Variants in SEC24D observed in about 807,000 individuals in gnomAD.
SEC24D encodes the protein SEC24 homolog D, COPII component, also known as protein transport protein Sec24D.
SEC24D carries 69 observed loss-of-function variants against 116.9 expected under a neutral mutation model. The observed-to-expected ratio is 0.59, with a 90% CI of 0.49 to 0.72. The LOEUF is 0.72. Ranked by LOEUF, SEC24D falls within the 30% of genes least tolerant of loss-of-function variation. The pLI is 0.00. For synonymous variants in SEC24D, 405 were observed against 442.8 expected, an observed-to-expected ratio of 0.91 and a Z score of 1.07; for missense variants, 1,131 against 1,264.1, an observed-to-expected ratio of 0.89 and a Z score of 1.60.
intron 8 of SEC24D, among the ~76,000 whole-genome samples, chr4:118,779,493 G>T (rs1263642441): frequency 6.6e-6 from 1 of 152,208 alleles, no homozygotes; most frequent in Non-Finnish European, 1.5e-5. Flanking sequence ...TGTGCTGTTG[G>T]ATTCGGTTTG....
intron 22 of SEC24D, among the ~76,000 whole-genome samples, chr4:118,724,153 C>T (rs185413137): frequency 6.6e-6 from 1 of 151,638 alleles, no homozygotes; most frequent in African/African-American, 2.4e-5. Flanking sequence ...ACAATACATT[C>T]GTGAGATGAG....
At chr4:118,748,651 G>C (rs1161055283) in intron 13 of SEC24D, among the ~76,000 whole-genome samples, 1 of 152,040 alleles carries the variant, frequency 6.6e-6, no homozygotes, top group African/African-American at 2.4e-5. Flanking sequence ...TTTCCTCTGA[G>C]AGACAAGTTA....
intron 3 of SEC24D, among the ~76,000 whole-genome samples, chr4:118,818,373 C>T (rs1221363992): frequency 6.6e-6 from 1 of 152,216 alleles, no homozygotes; most frequent in Non-Finnish European, 1.5e-5. Flanking sequence ...CTGAGGGAAG[C>T]CAGTGCTTGC....
At chr4:118,791,931 C>T (rs1270711434) in intron 8 of SEC24D, among the ~76,000 whole-genome samples, 1 of 152,214 alleles carries the variant, frequency 6.6e-6, no homozygotes, top group South Asian at 2.1e-4. Flanking sequence ...TTTGCAGCCT[C>T]TGCCCGACCG....
rs761516204 is a variant in SEC24D at position 118,833,683 on chromosome 4, C to T, written c.14G>A (p.Gly5Asp). 9 of 1,610,864 alleles carry T rather than the reference C, an allele frequency of 5.6e-6. No individual in the cohort carries two copies. In the East Asian group the frequency reaches 1.6e-4, roughly 28 times the overall value. The change falls in exon 2 of 23, where the codon GGT (glycine) becomes GAT (aspartate). Residue 5 changes from glycine (G) to aspartate (D), a missense_variant. Coordinates refer to ENST00000280551, the MANE Select transcript of SEC24D (RefSeq NM_014822.4). ...AGAATACGGAGGTGTAGCCACGTAA[C>T]CTTGTTGACTCATTATGAAAATATC... MSQQ[G>D]YVATPPYSQP...
At chr4:118,795,189 A>C (rs1490564213) in intron 8 of SEC24D, among the ~76,000 whole-genome samples, 2 of 152,006 alleles carry the variant, frequency 1.3e-5, no homozygotes, top group African/African-American at 4.8e-5. Context: ...ACCTGCATAC[A>C]AAGTCAGCAC....
At chr4:118,798,848 G>A (rs757308110) in intron 7 of SEC24D, among the ~76,000 whole-genome samples, 9 of 152,256 alleles carry the variant, frequency 5.9e-5, no homozygotes, top group Non-Finnish European at 1.0e-4. Context: ...GACATGCCCG[G>A]AGTAGTGACA....
intron 8 of SEC24D, among the ~76,000 whole-genome samples, chr4:118,795,491 G>A (rs1405641517): frequency 6.6e-6 from 1 of 152,066 alleles, no homozygotes; most frequent in African/African-American, 2.4e-5. Flanking sequence ...TTACAGGTGT[G>A]AGCCACCGTG....
intron 13 of SEC24D, among the ~76,000 whole-genome samples, chr4:118,749,523 C>T (rs979548782): frequency 6.6e-6 from 1 of 152,132 alleles, no homozygotes; most frequent in Non-Finnish European, 1.5e-5. Context: ...AAAGCTTTCA[C>T]TTTATGTTCT....
intron 6 of SEC24D, among the ~76,000 whole-genome samples, chr4:118,808,718 A>G (rs1283187984): frequency 2.0e-5 from 3 of 152,220 alleles, no homozygotes; most frequent in Admixed American, 6.5e-5. Flanking sequence ...TTCCAAAACT[A>G]CTTCAAAAGG....
chr4:118,768,350 A>T (rs763712191), intron 8 of SEC24D, 39 bp from the exon 9 acceptor site: 2 of 1,538,948 alleles, frequency 1.3e-6, no homozygotes, highest in South Asian at 2.4e-5. Flanking sequence ...ACAGGTGAGT[A>T]TAGGATTTCT....
chr4:118,727,715 G>T (rs1388642534), intron 22 of SEC24D, among the ~76,000 whole-genome samples: 3 of 151,972 alleles, frequency 2.0e-5, no homozygotes, highest in Non-Finnish European at 4.4e-5. Context: ...TCTAGGTCCT[G>T]CCCTTAAACT....
At chr4:118,783,904 C>T (rs530995830) in intron 8 of SEC24D, among the ~76,000 whole-genome samples, 4 of 152,168 alleles carry the variant, frequency 2.6e-5, no homozygotes, top group Admixed American at 1.3e-4. Flanking sequence ...CTGCTATTGA[C>T]GTAAACACTG....
intron 9 of SEC24D, among the ~76,000 whole-genome samples, chr4:118,767,972 G>A (rs1727718540): frequency 6.6e-6 from 1 of 152,086 alleles, no homozygotes; most frequent in East Asian, 1.9e-4. Context: ...CTTCCATGTG[G>A]GGCTCATGTA....
chr4:118,777,694 C>T (rs1194724399), intron 8 of SEC24D, among the ~76,000 whole-genome samples: 3 of 152,206 alleles, frequency 2.0e-5, no homozygotes, highest in Admixed American at 2.0e-4. Flanking sequence ...ACACTGTCTT[C>T]CACAATGGTT....
chr4:118,804,783 T>C (rs1410959683), intron 7 of SEC24D, among the ~76,000 whole-genome samples: 1 of 151,988 alleles, frequency 6.6e-6, no homozygotes, highest in Non-Finnish European at 1.5e-5. Flanking sequence ...GTCATCTGAA[T>C]TTTTTTAATA....
rs1279993382 is a variant in SEC24D at position 118,810,070 on chromosome 4, G to A, written c.802-4116C>T. Among the ~76,000 whole-genome samples the A allele has an allele frequency of 1.0e-4, 15 of 143,288 alleles. 1 individual carries two copies. The Admixed American group carries it at 1.1e-3, about 10-fold the overall frequency. 94.0% of individuals were successfully genotyped at this position (143,288 alleles called of 152,430 possible). A position where few individuals can be genotyped will look rare whatever the true frequency, so the allele number is the denominator to read the frequency against. On this transcript the variant is annotated intron_variant, in intron 6 of 22. Transcript: ENST00000280551. ...AGAGTGGTAAGAGACCAGGTCAGAG[G>A]TAGCTGTGTGTGTGTGTGTGTGTGT... is the stretch of plus-strand genomic sequence containing the variant.
chr4:118,754,276 CAAT>C (rs780778922), intron 11 of SEC24D, among the ~76,000 whole-genome samples: 1 of 152,068 alleles, frequency 6.6e-6, no homozygotes, highest in African/African-American at 2.4e-5. Context: ...ACACACACCT[CAAT>C]TATCCTAAAT....
chr4:118,726,607 C>G (rs1725427227), intron 22 of SEC24D, among the ~76,000 whole-genome samples: 1 of 151,976 alleles, frequency 6.6e-6, no homozygotes, highest in Admixed American at 6.6e-5. Context: ...TAGATTTGAA[C>G]AGCTTGTAAA....
Sources: gnomAD v4.1 joint callset for allele counts (sites outside exome capture counted in the v4.1 genomes callset) on GRCh38, gnomAD v4.1.1 for gene constraint, MANE v1.5 for transcripts, NCBI Gene and HGNC (gene_info 2026-07-23, HGNC 2026-07-21) for gene names.